Variants in PROS1 observed in about 807,000 individuals in gnomAD.
PROS1 encodes protein S.
A neutral mutation model predicts 75.9 loss-of-function variants in PROS1; 29 were observed. That is an observed-to-expected ratio of 0.38 (90% CI 0.28 to 0.52). The LOEUF is 0.52. PROS1 is among the 20% of genes least tolerant of loss of function. The pLI is 0.83. For synonymous variants in PROS1, 245 were observed against 280.6 expected (o/e 0.87, Z 1.27); for missense variants, 680 against 810.3 (o/e 0.84, Z 1.95).
chr3:93,918,100 C>T (rs1247711791), intron 3 of PROS1, among the ~76,000 whole-genome samples: 3 of 152,120 alleles, frequency 2.0e-5, no homozygotes, highest in South Asian at 2.1e-4. Flanking sequence ...GGATTGTAAA[C>T]GCACCAATCC....
At chr3:93,969,694 T>TTA (rs1709845495) in intron 1 of PROS1, among the ~76,000 whole-genome samples, 1 of 152,192 alleles carries the variant, frequency 6.6e-6, no homozygotes, top group African/African-American at 2.4e-5. Context: ...CTGGCTTCTG[T>TTA]AGGCCTGGCT....
chr3:93,933,108 CTT>C, intron 1 of PROS1, among the ~76,000 whole-genome samples: 1 of 152,276 alleles, frequency 6.6e-6, no homozygotes, highest in East Asian at 1.9e-4. Flanking sequence ...AGAAGAGAGT[CTT>C]TGGCTAGCAC....
At chr3:93,936,526 A>G (rs1709186749) in intron 1 of PROS1, among the ~76,000 whole-genome samples, 1 of 152,276 alleles carries the variant, frequency 6.6e-6, no homozygotes, top group Middle Eastern at 3.4e-3. Context: ...TGCTTTCTCT[A>G]TCCCCTGTGC....
chr3:93,893,310 G>A (rs986032373), intron 9 of PROS1, among the ~76,000 whole-genome samples, 188 bp from the exon 10 acceptor site: 14 of 152,098 alleles, frequency 9.2e-5, no homozygotes, highest in East Asian at 3.9e-4. Context: ...TTCCATGTAC[G>A]TTTAAAATTA....
chr3:93,886,374 C>T lies in PROS1; in HGVS notation c.1285G>A (p.Gly429Arg). The T allele has an allele frequency of 6.2e-7, 1 of 1,613,720 alleles. No individual in the cohort carries two copies. Among genetic ancestry groups the T allele is most frequent in the Non-Finnish European group, 8.5e-7 (1 of 1,179,782 alleles). ...GLLETKVYFA[G>R]FPRKVESELI... ...TCACTTTCCACTTTCCGAGGGAATCCTGCAAAGTATACTTTGGTTTCCAGC... is the reference window on the plus strand; with the variant it reads ...TCACTTTCCACTTTCCGAGGGAATCTTGCAAAGTATACTTTGGTTTCCAGC... Residue 429 changes from glycine to arginine, a missense_variant, in exon 11 of 15, where the codon GGA becomes AGA. Physicochemically the swap from Gly to Arg is moderately radical, Grantham distance 125. Coordinates refer to ENST00000394236, the MANE Select transcript of PROS1 (RefSeq NM_000313.4).
intron 1 of PROS1, among the ~76,000 whole-genome samples, chr3:93,933,973 C>G (rs1026884149): frequency 6.8e-6 from 1 of 146,872 alleles, no homozygotes; most frequent in African/African-American, 2.5e-5. Flanking sequence ...CGTGCTGCTG[C>G]ACTCCAGCCT....
chr3:93,940,659 C>A (rs762805243), intron 1 of PROS1, among the ~76,000 whole-genome samples: 2 of 151,968 alleles, frequency 1.3e-5, no homozygotes, highest in Non-Finnish European at 2.9e-5. Context: ...CCTCTCATAT[C>A]CCCCTACTTC....
At chr3:93,881,524 A>G (rs1708275236) in intron 12 of PROS1, among the ~76,000 whole-genome samples, 1 of 151,698 alleles carries the variant, frequency 6.6e-6, no homozygotes, top group Non-Finnish European at 1.5e-5. Flanking sequence ...AATTACATAA[A>G]AATTTAAAAA....
Position 93,876,955 on chromosome 3 carries a change from T to C in PROS1, c.1870+11A>G. The C allele has an allele frequency of 6.5e-7, 1 of 1,537,720 alleles. No homozygotes were observed. Among genetic ancestry groups the C allele is most frequent in the Non-Finnish European group, 9.0e-7 (1 of 1,112,900 alleles). On this transcript the variant is annotated intron_variant, in intron 14 of 14. Coordinates refer to ENST00000394236, the MANE Select transcript of PROS1 (RefSeq NM_000313.4). ...ATACTTTTTAAAACTGAAGAAAAAG[T>C]AAGCAGATACCTGGAAGGCCACCCA...
At chr3:93,951,851 G>A (rs1348173678) in intron 1 of PROS1, among the ~76,000 whole-genome samples, 1 of 152,144 alleles carries the variant, frequency 6.6e-6, no homozygotes, top group Non-Finnish European at 1.5e-5. Context: ...CATGTGCACA[G>A]ACACACATAG....
intron 1 of PROS1, among the ~76,000 whole-genome samples, chr3:93,960,057 A>C (rs1709677642): frequency 6.6e-6 from 1 of 152,256 alleles, no homozygotes; most frequent in South Asian, 2.1e-4. Context: ...TCTTAGAGGA[A>C]AATACATTAA....
At chr3:93,892,423 G>A (rs756320610) in intron 10 of PROS1, among the ~76,000 whole-genome samples, 2 of 151,828 alleles carry the variant, frequency 1.3e-5, no homozygotes, top group African/African-American at 2.4e-5. Flanking sequence ...TCTGGAGTTC[G>A]AGACCAGCTG....
At position 93,879,477 on chromosome 3, in the gene PROS1, C is replaced by CT. The variant is rs1338015144; in HGVS notation, c.1493-164dup. Among the ~76,000 whole-genome samples the CT allele has an allele frequency of 2.6e-5, 4 of 152,160 alleles. 1 individual carries two copies. Among genetic ancestry groups the CT allele is most frequent in the South Asian group, 4.1e-4 (2 of 4,834 alleles). On this transcript the variant is annotated intron_variant, in intron 12 of 14. Coordinates refer to ENST00000394236, the MANE Select transcript of PROS1 (RefSeq NM_000313.4). ...TATAACCTAGGCAAAACAAAACAAA[C>CT]TTTTTTGTAATGCAGGCAAGAAACA...
chr3:93,886,272 AT>A, intron 11 of PROS1, 63 bp downstream of exon 11: 2 of 1,442,298 alleles, frequency 1.4e-6, no homozygotes, highest in Non-Finnish European at 2.0e-6. Flanking sequence ...AAACACACAT[AT>A]TCAAATCTAT....
At chr3:93,969,245 G>T (rs536059275) in intron 1 of PROS1, among the ~76,000 whole-genome samples, 2 of 151,838 alleles carry the variant, frequency 1.3e-5, no homozygotes, top group African/African-American at 4.8e-5. Flanking sequence ...CTAGGAAATG[G>T]AAGCCTCAAG....
intron 1 of PROS1, among the ~76,000 whole-genome samples, chr3:93,954,504 G>A (rs567756315): frequency 1.6e-4 from 25 of 152,210 alleles, no homozygotes; most frequent in Non-Finnish European, 3.1e-4. Flanking sequence ...AAATAGTGCC[G>A]GGAAAGCTGG....
At position 93,945,832 on chromosome 3, in the gene PROS1, T is replaced by C. The variant is rs973694246; in HGVS notation, c.77-18425A>G. On this transcript the variant is annotated intron_variant, in intron 1 of 14. Coordinates refer to ENST00000394236, the MANE Select transcript of PROS1 (RefSeq NM_000313.4). Reference sequence around the variant, plus strand: ...TGGGCAATTGGGCAGGAGAAGGAAATAAAGGGCATTCAAGTAGGAAAAGAG... The same window carrying C: ...TGGGCAATTGGGCAGGAGAAGGAAACAAAGGGCATTCAAGTAGGAAAAGAG... Among the ~76,000 whole-genome samples the C allele has an allele frequency of 1.2e-4, 19 of 152,066 alleles. 1 individual carries two copies. The highest frequency in any genetic ancestry group is 2.4e-4 in the Non-Finnish European group (16 of 68,020).
Position 93,900,948 on chromosome 3 carries a change from T to A in PROS1, c.602-19A>T. On this transcript the variant is annotated intron_variant, in intron 6 of 14. Transcript: ENST00000394236. Reference sequence around the variant, plus strand: ...TCCACATCTATAAATAAAATCACTATATTAAAAAACATTTTTCCCATACCA... The same window carrying A: ...TCCACATCTATAAATAAAATCACTAAATTAAAAAACATTTTTCCCATACCA... The A allele has an allele frequency of 6.2e-7, 1 of 1,611,394 alleles. No homozygotes were observed. Among genetic ancestry groups the A allele is most frequent in the Non-Finnish European group, 8.5e-7 (1 of 1,178,902 alleles).
At chr3:93,960,192 T>C (rs1415652335) in intron 1 of PROS1, among the ~76,000 whole-genome samples, 3 of 151,626 alleles carry the variant, frequency 2.0e-5, no homozygotes, top group Non-Finnish European at 4.4e-5. Context: ...TTTTTTTTTT[T>C]TGGAGATGGA....
Sources: allele counts gnomAD v4.1 joint callset (sites outside exome capture counted in the v4.1 genomes callset), GRCh38; gene constraint gnomAD v4.1.1; transcripts MANE v1.5; gene names NCBI Gene and HGNC (gene_info 2026-07-23, HGNC 2026-07-21).